The following PLCB4 variants were observed in gnomAD, a reference collection of about 807,000 sequenced individuals.
The protein encoded by PLCB4 is 1-phosphatidylinositol 4,5-bisphosphate phosphodiesterase beta-4.
In PLCB4, 77 loss-of-function variants were observed where a neutral mutation model predicts 178.8. The observed-to-expected ratio is 0.43, with a 90% CI of 0.36 to 0.52. The LOEUF (loss-of-function observed/expected upper bound fraction) is 0.52, where lower values mean the gene tolerates loss of function less well. Among genes scored for constraint, PLCB4 ranks in the 20% least tolerant of loss-of-function variants. PLCB4 has a pLI of 0.00. For missense variants in PLCB4, 1,024 were observed against 1,453.4 expected, an observed-to-expected ratio of 0.70 and a Z score of 4.80; for synonymous variants, 496 against 490.8, an observed-to-expected ratio of 1.01 and a Z score of -0.14.
chr20:9,226,575 A>G (rs1266976885), intron 3 of PLCB4, among the ~76,000 whole-genome samples: 1 of 152,192 alleles, frequency 6.6e-6, no homozygotes, highest in Non-Finnish European at 1.5e-5. Context: ...AAGTATTGAC[A>G]GGGAGATGGT....
intron 36 of PLCB4, among the ~76,000 whole-genome samples, chr20:9,471,450 A>T (rs1218574203): frequency 3.3e-5 from 5 of 152,202 alleles, no homozygotes; most frequent in Admixed American, 3.3e-4. Context: ...TGAAAAGGGG[A>T]ATTAACTACA....
intron 12 of PLCB4, among the ~76,000 whole-genome samples, chr20:9,375,918 A>T (rs778128067): frequency 2.6e-5 from 4 of 152,262 alleles, no homozygotes; most frequent in Non-Finnish European, 4.4e-5. Context: ...TTAGCAAAAG[A>T]CATGCTGGTT....
At position 9,379,418 on chromosome 20, in the gene PLCB4, T is replaced by C. The variant is rs138419564; in HGVS notation, c.745-636T>C. Among the ~76,000 whole-genome samples, 123 of 152,314 alleles carry C rather than the reference T, an allele frequency of 8.1e-4. 1 individual carries two copies. The Middle Eastern group carries it at 0.014, about 17-fold the overall frequency. ...CATGGACTCTCTGCCCAGAGAATTC[T>C]ATATTGTTTATAGCTTGTAAATATG... On this transcript the variant is annotated intron_variant, in intron 12 of 39. Coordinates refer to ENST00000378473, the MANE Select transcript of PLCB4 (RefSeq NM_001377142.1).
rs6056622 is a variant in PLCB4, at chr20:9,436,214, T to C, written c.2613+566T>C. Among the ~76,000 whole-genome samples the C allele has an allele frequency of 2.8e-3, 421 of 152,330 alleles. 1 individual carries two copies. The highest frequency in any genetic ancestry group is 9.5e-3 in the African/African-American group (397 of 41,576). On this transcript the variant is annotated intron_variant, in intron 29 of 39. Transcript: ENST00000378473. ...TTATGTATATGTAAATGTTCCAAAA[T>C]CTGATATCCAAAACATTTCTGGTCT...
intron 3 of PLCB4, among the ~76,000 whole-genome samples, chr20:9,256,209 C>A (rs1026855280): frequency 5.3e-5 from 8 of 152,152 alleles, no homozygotes; most frequent in African/African-American, 1.9e-4. Context: ...TCCCTTGTAA[C>A]AAGATCAGAG....
chr20:9,353,433 T>C (rs899779340), intron 7 of PLCB4, among the ~76,000 whole-genome samples: 1 of 152,186 alleles, frequency 6.6e-6, no homozygotes, highest in Non-Finnish European at 1.5e-5. Flanking sequence ...TGTCTGTCCT[T>C]GGTGGAGCCA....
intron 3 of PLCB4, among the ~76,000 whole-genome samples, chr20:9,221,713 G>C (rs1352145889): frequency 5.3e-5 from 8 of 152,282 alleles, no homozygotes; most frequent in African/African-American, 1.9e-4. Flanking sequence ...TCAGTGAGTA[G>C]AATTTCTACA....
At chr20:9,139,789 C>T (rs2092451827) in intron 2 of PLCB4, among the ~76,000 whole-genome samples, 1 of 152,012 alleles carries the variant, frequency 6.6e-6, no homozygotes, top group Non-Finnish European at 1.5e-5. Context: ...CATAAGTGTT[C>T]GTCATGAATT....
intron 9 of PLCB4, 42 bp downstream of exon 9, chr20:9,365,556 C>A (rs753930696): frequency 3.3e-6 from 4 of 1,198,470 alleles, no homozygotes; most frequent in Admixed American, 3.5e-5. Context: ...CCCGGGTCAA[C>A]GCTTGTCATC....
chr20:9,344,239 C>G (rs1274589377), intron 7 of PLCB4, among the ~76,000 whole-genome samples: 1 of 152,158 alleles, frequency 6.6e-6, no homozygotes, highest in East Asian at 1.9e-4. Context: ...CGTGCTCTTT[C>G]CCAGTTACAC....
chr20:9,156,624 T>G (rs1249065290), intron 2 of PLCB4, among the ~76,000 whole-genome samples: 5 of 152,098 alleles, frequency 3.3e-5, no homozygotes, highest in Admixed American at 6.5e-5. Context: ...AGAAATTAAC[T>G]TAGACTCTTA....
At chr20:9,103,870 C>T (rs1402921766) in intron 2 of PLCB4, among the ~76,000 whole-genome samples, 1 of 152,092 alleles carries the variant, frequency 6.6e-6, no homozygotes, top group Admixed American at 6.6e-5. Context: ...TTATTAATTG[C>T]ATCTTCAGAA....
At chr20:9,116,787 G>A (rs1252276855) in intron 2 of PLCB4, among the ~76,000 whole-genome samples, 2 of 152,122 alleles carry the variant, frequency 1.3e-5, no homozygotes, top group African/African-American at 4.8e-5. Flanking sequence ...TGAGGGTGGG[G>A]AATGGACATC....
chr20:9,207,245 A>G (rs2093625177), intron 2 of PLCB4, among the ~76,000 whole-genome samples: 1 of 152,222 alleles, frequency 6.6e-6, no homozygotes, highest in Non-Finnish European at 1.5e-5. Context: ...CCAACAGGAC[A>G]CTGGGGCTGA....
chr20:9,461,480 G>A (rs995528753), intron 35 of PLCB4, among the ~76,000 whole-genome samples: 13 of 152,208 alleles, frequency 8.5e-5, no homozygotes, highest in African/African-American at 2.7e-4. Flanking sequence ...AGCACAAGGG[G>A]TCAGGGGACT....
At chr20:9,436,127 T>A (rs6039469) in intron 29 of PLCB4, among the ~76,000 whole-genome samples, 52,344 of 152,032 alleles carry the variant, frequency 0.34, 9,515 homozygotes, top group East Asian at 0.53. Flanking sequence ...TGTGTATAAG[T>A]TGTATATAAA....
intron 1 of PLCB4, among the ~76,000 whole-genome samples, chr20:9,094,302 A>G (rs1209990308): frequency 6.6e-6 from 1 of 152,186 alleles, no homozygotes; most frequent in Non-Finnish European, 1.5e-5. Context: ...TTGGCTTTGG[A>G]ATATTGAAAT....
intron 7 of PLCB4, among the ~76,000 whole-genome samples, chr20:9,349,053 TAA>T (rs763846898): frequency 1.6e-4 from 21 of 134,226 alleles, no homozygotes; most frequent in African/African-American, 1.1e-4. Flanking sequence ...TACAGGATAG[TAA>T]AAAAAAAAAA....
chr20:9,202,452 G>A (rs1434508365), intron 2 of PLCB4, among the ~76,000 whole-genome samples: 1 of 152,164 alleles, frequency 6.6e-6, no homozygotes, highest in Admixed American at 6.5e-5. Context: ...AATCCTAAAT[G>A]TCCTAGGTGG....
Sources: allele counts gnomAD v4.1 joint callset (sites outside exome capture counted in the v4.1 genomes callset), GRCh38; gene constraint gnomAD v4.1.1; transcripts MANE v1.5; gene names NCBI Gene and HGNC (gene_info 2026-07-23, HGNC 2026-07-21).